Variants in LRFN2 observed in about 807,000 individuals in gnomAD.
The protein encoded by LRFN2 is leucine-rich repeat and fibronectin type-III domain-containing protein 2.
In LRFN2, 18 loss-of-function variants were observed where a neutral mutation model predicts 37.3. The ratio of observed to expected loss-of-function variants is 0.48; its 90% CI spans 0.33 to 0.72. LRFN2 has a LOEUF of 0.72. Ranked by LOEUF, LRFN2 falls within the 30% of genes least tolerant of loss-of-function variation. The pLI is 0.02. For synonymous variants in LRFN2, 556 were observed against 466.6 expected, an observed-to-expected ratio of 1.19 and a Z score of -2.47; for missense variants, 1,006 against 1,060.7, an observed-to-expected ratio of 0.95 and a Z score of 0.72.
intron 1 of LRFN2, among the ~76,000 whole-genome samples, chr6:40,471,186 A>G (rs1257268068): frequency 6.6e-6 from 1 of 152,026 alleles, no homozygotes; most frequent in Non-Finnish European, 1.5e-5. Flanking sequence ...AGTGTCTGGG[A>G]AAGGGGATGG....
chr6:40,558,606 T>C (rs10456109), intron 1 of LRFN2, among the ~76,000 whole-genome samples: 72,064 of 151,882 alleles, frequency 0.47, 18,141 homozygotes, highest in African/African-American at 0.64. Flanking sequence ...GTTCCTGACC[T>C]TGTGGAGTTT....
At chr6:40,496,136 T>G (rs539894265) in intron 1 of LRFN2, among the ~76,000 whole-genome samples, 13 of 152,128 alleles carry the variant, frequency 8.5e-5, no homozygotes, top group Non-Finnish European at 1.5e-4. Flanking sequence ...AAAGAGCCCA[T>G]CTATCCCTAA....
At chr6:40,548,761 T>G (rs897619964) in intron 1 of LRFN2, among the ~76,000 whole-genome samples, 1 of 152,142 alleles carries the variant, frequency 6.6e-6, no homozygotes, top group African/African-American at 2.4e-5. Context: ...CTCTCTCCCT[T>G]TAGATGCTCT....
chr6:40,517,303 C>G (rs1252153330), intron 1 of LRFN2: 2 of 152,160 alleles, frequency 1.3e-5, no homozygotes, highest in Non-Finnish European at 2.9e-5. Flanking sequence ...ATTAGCCCTA[C>G]CTTATGAGTA....
chr6:40,530,013 G>A (rs1766318006), intron 1 of LRFN2, among the ~76,000 whole-genome samples: 1 of 152,218 alleles, frequency 6.6e-6, no homozygotes, highest in Non-Finnish European at 1.5e-5. Flanking sequence ...AGAAGTTACA[G>A]GTGGCCCCTA....
chr6:40,551,423 C>T (rs796428418), intron 1 of LRFN2, among the ~76,000 whole-genome samples: 5 of 152,176 alleles, frequency 3.3e-5, no homozygotes, highest in Non-Finnish European at 7.4e-5. Flanking sequence ...AGCCCAAGGC[C>T]TGCTCAAGCT....
At position 40,416,102 on chromosome 6, in the gene LRFN2, G is replaced by A. The variant is rs141600135; in HGVS notation, c.1400+15612C>T. ...TGGCTCACTGCAACCTCTGCCTCCT[G>A]GGTTCAAGCAATTTTCCTGCCTCAG... On this transcript the variant is annotated intron_variant, in intron 2 of 2. Coordinates refer to ENST00000338305, the MANE Select transcript of LRFN2 (RefSeq NM_020737.3). Among the ~76,000 whole-genome samples, 1,376 of 152,264 alleles carry A rather than the reference G, an allele frequency of 9.0e-3. 19 individuals carry two copies. Among genetic ancestry groups the A allele is most frequent in the African/African-American group, 0.03 (1,259 of 41,566 alleles).
At chr6:40,446,717 A>G (rs1400600381) in intron 1 of LRFN2, among the ~76,000 whole-genome samples, 1 of 152,270 alleles carries the variant, frequency 6.6e-6, no homozygotes, top group African/African-American at 2.4e-5. Flanking sequence ...AAGACACACA[A>G]TTATCTTCTT....
intron 1 of LRFN2, among the ~76,000 whole-genome samples, chr6:40,539,924 C>T (rs1766520721): frequency 1.3e-5 from 2 of 152,142 alleles, no homozygotes; most frequent in Admixed American, 1.3e-4. Flanking sequence ...TAATCCTCCC[C>T]TCTTCCATCA....
Position 40,432,049 on chromosome 6 carries a change from AC to A in LRFN2, c.1064del (p.Gly355ValfsTer77), listed in dbSNP as rs768983402. 6.2e-7 allele frequency: 1 copy of A among 1,614,022 alleles called. No homozygotes were observed. The highest frequency in any genetic ancestry group is 8.5e-7 in the Non-Finnish European group (1 of 1,180,022). On this transcript the variant is annotated frameshift_variant, in exon 2 of 3. Transcript: ENST00000338305. LOFTEE classifies it high-confidence loss of function. Reference protein sequence around the residue: ...DIFITTSQDSGAFTCIAANAA... With the variant: ...DIFITTSQDSXAFTCIAANAA... ...CATTGGCAGCAATGCAGGTGAAGGC[AC>A]CACTGTCCTGAGATGTGGTGATGAA...
Position 40,393,304 on chromosome 6 carries a change from GAGGATGTGTCAGAGACCA to G in LRFN2, c.1401-410_1401-393del, listed in dbSNP as rs1295688512. On this transcript the variant is annotated intron_variant, in intron 2 of 2. Transcript: ENST00000338305. ...GGAGCATCAGGGAGAGGTATAGACCGAGGATGTGTCAGAGACCAAGGATGTGTCAGAGACCGAGGATGT... is the reference window on the plus strand; with the variant it reads ...GGAGCATCAGGGAGAGGTATAGACCGAGGATGTGTCAGAGACCGAGGATGT... 1.2e-3 allele frequency among the ~76,000 whole-genome samples: 179 copies of G among 152,138 alleles called. 1 individual carries two copies. Among genetic ancestry groups the G allele is most frequent in the African/African-American group, 4.2e-3 (176 of 41,500 alleles).
intron 1 of LRFN2, among the ~76,000 whole-genome samples, chr6:40,584,582 C>T (rs1767467213): frequency 6.6e-6 from 1 of 152,146 alleles, no homozygotes; most frequent in South Asian, 2.1e-4. Flanking sequence ...AGTCTAGCAG[C>T]CTCCCCCATC....
At chr6:40,538,287 C>A (rs888436148) in intron 1 of LRFN2, among the ~76,000 whole-genome samples, 42 of 152,110 alleles carry the variant, frequency 2.8e-4, no homozygotes, top group African/African-American at 2.4e-5. Context: ...GCCCCAGAGC[C>A]AACAGGCTTC....
In LRFN2 at chr6:40,402,756, T is replaced by C. The variant is rs1021920710; in HGVS notation, c.1401-9844A>G. 2.6e-5 allele frequency among the ~76,000 whole-genome samples: 4 copies of C among 152,210 alleles called. No homozygotes were observed. The East Asian group carries it at 7.7e-4, about 29-fold the overall frequency. On this transcript the variant is annotated intron_variant, in intron 2 of 2. Transcript: ENST00000338305. ...CCCCGGGAAGTACATCTAATAATTGTGCTACCTGTTTTAGAGGCAGTGGTT... is the reference window on the plus strand; with the variant it reads ...CCCCGGGAAGTACATCTAATAATTGCGCTACCTGTTTTAGAGGCAGTGGTT...
chr6:40,485,992 C>T (rs1186859863), intron 1 of LRFN2, among the ~76,000 whole-genome samples: 1 of 152,264 alleles, frequency 6.6e-6, no homozygotes, highest in African/African-American at 2.4e-5. Flanking sequence ...TCAGCCCCCA[C>T]TGGAGAACTC....
rs1195595569 is a variant in LRFN2 at position 40,392,556 on chromosome 6, G to A, written c.1757C>T (p.Pro586Leu). 6.3e-7 allele frequency: 1 copy of A among 1,599,332 alleles called. No homozygotes were observed. The highest frequency in any genetic ancestry group is 1.1e-5 in the South Asian group (1 of 90,260). ...GGCCCCGGCTGGTGCGCTGCTTGGA[G>A]GCGGTGGCTGGGCGCCGTTGGTCTG... ...YSQTNGAQPP[P>L]PSSAPAGAPP... Residue 586 changes from proline to leucine, a missense_variant, in exon 3 of 3, where the codon CCT becomes CTT. Physicochemically the swap from Pro to Leu is moderately conservative, Grantham distance 98. Coordinates refer to ENST00000338305, the MANE Select transcript of LRFN2 (RefSeq NM_020737.3). The surrounding 1 kb of genome is among the most constrained non-coding windows in gnomAD (Gnocchi z 4.7).
At chr6:40,580,258 C>T (rs1333772351) in intron 1 of LRFN2, among the ~76,000 whole-genome samples, 1 of 152,202 alleles carries the variant, frequency 6.6e-6, no homozygotes, top group South Asian at 2.1e-4. Context: ...GCATTTCTCA[C>T]TTGCTGGAGT....
chr6:40,409,394 C>T (rs1394824448), intron 2 of LRFN2, among the ~76,000 whole-genome samples: 16 of 152,112 alleles, frequency 1.1e-4, no homozygotes, highest in Admixed American at 1.0e-3. Flanking sequence ...AAAATGGGTT[C>T]GTAACAGCAA....
intron 1 of LRFN2, among the ~76,000 whole-genome samples, chr6:40,488,360 C>A (rs1765013642): frequency 6.6e-6 from 1 of 151,674 alleles, no homozygotes; most frequent in African/African-American, 2.4e-5. Context: ...CCACCGCCAT[C>A]CCCACCATCT....
Sources: allele counts gnomAD v4.1 joint callset (sites outside exome capture counted in the v4.1 genomes callset), GRCh38; gene constraint gnomAD v4.1.1; non-coding constraint Gnocchi (gnomAD v3.1); transcripts MANE v1.5; gene names NCBI Gene and HGNC (gene_info 2026-07-23, HGNC 2026-07-21).